Variants in RAPGEF4 observed in about 807,000 individuals in gnomAD.
RAPGEF4 encodes the protein RAP guanine-nucleotide-exchange factor (GEF) 4.
RAPGEF4 carries 66 observed loss-of-function variants against 147.9 expected under a neutral mutation model. The ratio of observed to expected loss-of-function variants is 0.45; its 90% CI spans 0.37 to 0.55. The LOEUF is 0.55. Ranked by LOEUF, RAPGEF4 falls within the 20% of genes least tolerant of loss-of-function variation. The pLI, the probability that RAPGEF4 is intolerant of heterozygous loss-of-function variation, is 0.00. For synonymous variants in RAPGEF4, 419 were observed against 442.7 expected, an observed-to-expected ratio of 0.95 and a Z score of 0.67; for missense variants, 1,071 against 1,257.3, an observed-to-expected ratio of 0.85 and a Z score of 2.24.
At chr2:172,889,121 A>G (rs796514981) in intron 4 of RAPGEF4, among the ~76,000 whole-genome samples, 20 of 152,334 alleles carry the variant, frequency 1.3e-4, no homozygotes, top group African/African-American at 4.1e-4. Context: ...TTATCATCTC[A>G]AAGATCATAT....
intron 30 of RAPGEF4, among the ~76,000 whole-genome samples, chr2:173,049,998 A>G (rs1683380683): frequency 6.6e-6 from 1 of 152,200 alleles, no homozygotes; most frequent in African/African-American, 2.4e-5. Flanking sequence ...TTATAGCCTT[A>G]AGAAGGTTTT....
At chr2:172,738,883 A>G (rs1559015048) in intron 1 of RAPGEF4, among the ~76,000 whole-genome samples, 3 of 152,246 alleles carry the variant, frequency 2.0e-5, no homozygotes, top group Admixed American at 1.3e-4. Flanking sequence ...GCAGTAGTAA[A>G]GAAGTATACA....
At chr2:173,008,813 G>A (rs985832025) in intron 17 of RAPGEF4, among the ~76,000 whole-genome samples, 3 of 152,182 alleles carry the variant, frequency 2.0e-5, no homozygotes, top group East Asian at 3.8e-4. Flanking sequence ...AATTACAGGT[G>A]CCTGTGGTGA....
chr2:172,838,287 A>C (rs572687534), intron 4 of RAPGEF4, among the ~76,000 whole-genome samples: 21 of 152,256 alleles, frequency 1.4e-4, no homozygotes, highest in African/African-American at 4.8e-4. Context: ...TCCCCATTTT[A>C]ACTTCAGTAC....
At chr2:173,029,028 G>A (rs1359273293) in intron 25 of RAPGEF4, among the ~76,000 whole-genome samples, 1 of 152,172 alleles carries the variant, frequency 6.6e-6, no homozygotes, top group Non-Finnish European at 1.5e-5. Context: ...AAGGACAGAG[G>A]CAAACACATA....
At chr2:172,933,695 A>G (rs904038427) in intron 6 of RAPGEF4, among the ~76,000 whole-genome samples, 3 of 152,218 alleles carry the variant, frequency 2.0e-5, no homozygotes, top group African/African-American at 7.2e-5. Flanking sequence ...GGCCCCTATT[A>G]TATGTTATAT....
intron 3 of RAPGEF4, among the ~76,000 whole-genome samples, chr2:172,803,226 G>A (rs576999982): frequency 1.3e-5 from 2 of 152,220 alleles, no homozygotes; most frequent in Admixed American, 1.3e-4. Context: ...CACTGCCCTA[G>A]CAGACGTTCT....
intron 1 of RAPGEF4, among the ~76,000 whole-genome samples, chr2:172,794,414 A>C (rs187112081): frequency 1.8e-4 from 27 of 152,124 alleles, no homozygotes; most frequent in Admixed American, 1.7e-3. Context: ...ATTTACCTTG[A>C]ACAATGGGAA....
rs373286061 is a variant in RAPGEF4, at chr2:173,052,884, C to T, written c.*1117C>T. On this transcript the variant is annotated 3_prime_UTR_variant, in exon 31 of 31. Transcript: ENST00000397081. ...TAGTATCTTCACTAAATATAATTGTCGACAAGAAATGGTTGTGTTCATCTC... is the reference window on the plus strand; with the variant it reads ...TAGTATCTTCACTAAATATAATTGTTGACAAGAAATGGTTGTGTTCATCTC... The T allele has an allele frequency of 6.6e-6, 1 of 151,666 alleles. No homozygotes were observed. The highest frequency in any genetic ancestry group is 2.4e-5 in the African/African-American group (1 of 41,234). 9.4% of individuals were successfully genotyped at this position (151,666 alleles called of 1,614,324 possible). A position where few individuals can be genotyped will look rare whatever the true frequency, so the allele number is the denominator to read the frequency against.
At chr2:172,946,083 C>CA (rs34563405) in intron 6 of RAPGEF4, among the ~76,000 whole-genome samples, 2 of 151,310 alleles carry the variant, frequency 1.3e-5, no homozygotes, top group African/African-American at 4.9e-5. Flanking sequence ...GGCACATTGA[C>CA]AAAAAAAATG....
intron 6 of RAPGEF4, among the ~76,000 whole-genome samples, chr2:172,933,395 G>A (rs1226052204): frequency 6.6e-6 from 1 of 152,162 alleles, no homozygotes. Flanking sequence ...GGATGCAACT[G>A]CCATCAACCG....
intron 8 of RAPGEF4, chr2:172,965,087 C>T (rs1454165973): frequency 6.3e-6 from 1 of 159,056 alleles, no homozygotes; most frequent in Non-Finnish European, 1.4e-5. Context: ...ATATAAAGTG[C>T]TATATAATTT....
intron 4 of RAPGEF4, among the ~76,000 whole-genome samples, chr2:172,815,534 G>A (rs1014318151): frequency 6.6e-6 from 1 of 152,192 alleles, no homozygotes; most frequent in African/African-American, 2.4e-5. Context: ...TTGAAAGTAG[G>A]TTTGCATGAG....
At chr2:172,814,025 A>G (rs1688266304) in intron 3 of RAPGEF4, among the ~76,000 whole-genome samples, 1 of 152,212 alleles carries the variant, frequency 6.6e-6, no homozygotes, top group Admixed American at 6.5e-5. Context: ...AAATTCTTTC[A>G]TGACGGAAAT....
chr2:172,767,178 ATT>A (rs530659614), intron 1 of RAPGEF4, among the ~76,000 whole-genome samples: 54 of 136,908 alleles, frequency 3.9e-4, no homozygotes, highest in African/African-American at 7.3e-4. Context: ...TAAACACTCT[ATT>A]TTTTTTTTTT....
rs187222048 is a variant in RAPGEF4, at chr2:172,957,768, C to A, written c.538-2992C>A. On this transcript the variant is annotated intron_variant, in intron 6 of 30. Coordinates refer to ENST00000397081, the MANE Select transcript of RAPGEF4 (RefSeq NM_007023.4). ...ATTCTGCCTTTCAACAGATGAAATA[C>A]CCTCTTGGTCCTGGAACTGGTACTA... 5.3e-5 allele frequency among the ~76,000 whole-genome samples: 8 copies of A among 152,318 alleles called. No individual in the cohort carries two copies. In the East Asian group the frequency reaches 1.3e-3, roughly 26 times the overall value.
intron 6 of RAPGEF4, among the ~76,000 whole-genome samples, chr2:172,935,105 G>C (rs538669730): frequency 2.6e-5 from 4 of 152,266 alleles, no homozygotes; most frequent in South Asian, 4.1e-4. Context: ...TGAGCCTGAA[G>C]GGCAGAGGCT....
chr2:172,897,764 A>ATTTTAT (rs142965204), intron 4 of RAPGEF4, among the ~76,000 whole-genome samples: 2 of 123,848 alleles, frequency 1.6e-5, no homozygotes, highest in African/African-American at 6.1e-5. Flanking sequence ...ATTTTATTTT[A>ATTTTAT]TTTATTTTAT....
intron 1 of RAPGEF4, among the ~76,000 whole-genome samples, chr2:172,788,650 C>T (rs540218387): frequency 2.0e-5 from 3 of 151,924 alleles, no homozygotes; most frequent in Non-Finnish European, 4.4e-5. Context: ...TTTGGGAGAC[C>T]GAAGCAGGAG....
Sources: gnomAD v4.1 joint callset for allele counts (sites outside exome capture counted in the v4.1 genomes callset) on GRCh38, gnomAD v4.1.1 for gene constraint, MANE v1.5 for transcripts, NCBI Gene and HGNC (gene_info 2026-07-23, HGNC 2026-07-21) for gene names.